The following WDR4 variants were observed in gnomAD, a reference collection of about 807,000 sequenced individuals.
WDR4 encodes the protein WDR4 tRNA N7-guanosine methyltransferase non-catalytic subunit, also known as tRNA (guanine-N(7)-)-methyltransferase non-catalytic subunit WDR4.
A neutral mutation model predicts 48.6 loss-of-function variants in WDR4; 47 were observed. That is an observed-to-expected ratio of 0.97 (90% CI 0.77 to 1.23). The LOEUF (loss-of-function observed/expected upper bound fraction) is 1.23. WDR4 is among the 50% of genes most tolerant of loss of function. The probability of loss-of-function intolerance (pLI) is 0.00; values close to 1 mark genes in which losing one functional copy is unlikely to be tolerated. For synonymous variants in WDR4, 268 were observed against 230.0 expected, an observed-to-expected ratio of 1.17 and a Z score of -1.49; for missense variants, 606 against 551.6, an observed-to-expected ratio of 1.10 and a Z score of -0.99.
At chr21:42,848,559 C>G (rs1405203883), downstream of WDR4, among the ~76,000 whole-genome samples, 1 of 60,642 alleles carries the variant, frequency 1.6e-5, no homozygotes, top group East Asian at 3.6e-4. Context: ...ACACAGCACA[C>G]GATCACGCGG....
the WDR4 span, among the ~76,000 whole-genome samples, chr21:42,890,365 C>G: frequency 6.6e-6 from 1 of 152,056 alleles, no homozygotes; most frequent in Admixed American, 6.6e-5. Flanking sequence ...GAAACCCTGT[C>G]TCTACTAAAA....
At chr21:42,843,918 T>C (rs1298078667) in intron 11 of WDR4, among the ~76,000 whole-genome samples, 3 of 152,296 alleles carry the variant, frequency 2.0e-5, no homozygotes, top group South Asian at 4.1e-4. Context: ...CTCAAACTCC[T>C]GGGCTCAAGC....
At chr21:42,892,179 G>A in the WDR4 span, among the ~76,000 whole-genome samples, 13 of 150,178 alleles carry the variant, frequency 8.7e-5, no homozygotes, top group African/African-American at 2.9e-4. Context: ...GCGTGAACCC[G>A]GGAGGCGGAG....
At chr21:42,851,068 G>A (rs1412372643) in intron 10 of WDR4, among the ~76,000 whole-genome samples, 1 of 152,222 alleles carries the variant, frequency 6.6e-6, no homozygotes, top group African/African-American at 2.4e-5. Context: ...CCCCAAGTCT[G>A]CGCCGGGAAC....
chr21:42,855,435 C>A (rs1240142997), intron 7 of WDR4, among the ~76,000 whole-genome samples: 1 of 152,242 alleles, frequency 6.6e-6, no homozygotes, highest in African/African-American at 2.4e-5. Context: ...TCCATTCCTT[C>A]CACTTCAGAG....
At chr21:42,891,300 C>G in the WDR4 span, among the ~76,000 whole-genome samples, 1 of 151,322 alleles carries the variant, frequency 6.6e-6, no homozygotes, top group East Asian at 1.9e-4. Context: ...TGCACTCTAG[C>G]CTGGGCAACA....
At chr21:42,892,592 A>G in the WDR4 span, among the ~76,000 whole-genome samples, 1 of 152,152 alleles carries the variant, frequency 6.6e-6, no homozygotes, top group Non-Finnish European at 1.5e-5. Context: ...TGAAATGCGA[A>G]TGGGGCTCTG....
the WDR4 span, among the ~76,000 whole-genome samples, chr21:42,890,028 G>A: frequency 6.6e-6 from 1 of 151,488 alleles, no homozygotes; most frequent in Non-Finnish European, 1.5e-5. Flanking sequence ...ACTGTAGTGA[G>A]CTATAACCAA....
At chr21:42,859,034 A>G (rs2058056010) in intron 6 of WDR4, among the ~76,000 whole-genome samples, 1 of 152,154 alleles carries the variant, frequency 6.6e-6, no homozygotes, top group South Asian at 2.1e-4. Context: ...CACATTCCTT[A>G]GAGAAAACAC....
chr21:42,885,870 GT>G, the WDR4 span, among the ~76,000 whole-genome samples: 1 of 151,410 alleles, frequency 6.6e-6, no homozygotes, highest in Non-Finnish European at 1.5e-5. Context: ...TAACTTTTAA[GT>G]TTTTTGTAGA....
intron 11 of WDR4, among the ~76,000 whole-genome samples, chr21:42,843,552 A>G (rs1164957726): frequency 6.6e-6 from 1 of 151,432 alleles, no homozygotes; most frequent in Non-Finnish European, 1.5e-5. Context: ...CTGGGACTAC[A>G]GGCATGTGCC....
rs1255582441 is a variant in WDR4, at chr21:42,862,466, A to G, written c.454-72T>C. 1 of 1,417,696 alleles carries G rather than the reference A, an allele frequency of 7.1e-7. No individual in the cohort carries two copies. Among genetic ancestry groups the G allele is most frequent in the Non-Finnish European group, 9.7e-7 (1 of 1,036,054 alleles). 87.8% of individuals were successfully genotyped at this position (1,417,696 alleles called of 1,614,324 possible). ...TCCCGAATCAAGTCCCTCATGGAAG[A>G]AGGCAGGGAAGCTGCAGCCTGGCCG... On this transcript the variant is annotated intron_variant, in intron 4 of 10. Coordinates refer to ENST00000398208, the MANE Select transcript of WDR4 (RefSeq NM_018669.6). The surrounding 1 kb of genome is among the most constrained non-coding windows in gnomAD (Gnocchi z 4.3).
upstream of WDR4, chr21:42,879,625 G>A (rs191874604): frequency 1.7e-5 from 20 of 1,176,656 alleles, no homozygotes; most frequent in Non-Finnish European, 3.5e-6. Flanking sequence ...GCTCAAGGAC[G>A]AGCCTGCCTT....
At chr21:42,855,659 C>G in intron 7 of WDR4, 23 bp downstream of exon 7, 1 of 1,529,230 alleles carries the variant, frequency 6.5e-7, no homozygotes, top group South Asian at 1.2e-5. Flanking sequence ...CTCAGTCGCC[C>G]AGGAGTGAAC....
At chr21:42,883,909 T>G (rs897336008), upstream of WDR4, 18 of 152,534 alleles carry the variant, frequency 1.2e-4, no homozygotes, top group Non-Finnish European at 2.1e-4. Context: ...TTTAGAACAT[T>G]TTCATCACCC....
At chr21:42,884,801 G>T in the WDR4 span, among the ~76,000 whole-genome samples, 5 of 152,022 alleles carry the variant, frequency 3.3e-5, no homozygotes, top group Non-Finnish European at 5.9e-5. Flanking sequence ...TTTTCCGACA[G>T]AGTCTCACTG....
At chr21:42,867,370 G>A (rs1220209812) in intron 3 of WDR4, among the ~76,000 whole-genome samples, 6 of 134,116 alleles carry the variant, frequency 4.5e-5, no homozygotes, top group Non-Finnish European at 9.3e-5. Flanking sequence ...CAGCCTGGGT[G>A]ACAAAGAGAC....
At chr21:42,887,511 C>T in the WDR4 span, among the ~76,000 whole-genome samples, 7 of 152,096 alleles carry the variant, frequency 4.6e-5, no homozygotes, top group African/African-American at 1.7e-4. Flanking sequence ...TCTCGTGTCA[C>T]ACGGCATTTT....
At position 42,852,339 on chromosome 21, in the gene WDR4, CA is replaced by C; in HGVS notation, c.976-16del. ...TCAGGAACAGACTGCAGGCGACAAACAGGAAATCTTCATCAGAAAGAGGCAG... is the reference window on the plus strand; with the variant it reads ...TCAGGAACAGACTGCAGGCGACAAACGGAAATCTTCATCAGAAAGAGGCAG... On this transcript the variant is annotated splice_polypyrimidine_tract_variant and intron_variant, in intron 9 of 10. Transcript: ENST00000398208. 1 of 1,613,594 alleles carries C rather than the reference CA, an allele frequency of 6.2e-7. No individual in the cohort carries two copies. Among genetic ancestry groups the C allele is most frequent in the Non-Finnish European group, 8.5e-7 (1 of 1,179,788 alleles).
Sources: allele counts gnomAD v4.1 joint callset (sites outside exome capture counted in the v4.1 genomes callset), GRCh38; gene constraint gnomAD v4.1.1; non-coding constraint Gnocchi (gnomAD v3.1); transcripts MANE v1.5; gene names NCBI Gene and HGNC (gene_info 2026-07-23, HGNC 2026-07-21).